SDK1: variants seen among roughly 807,000 people sequenced by gnomAD.
SDK1 encodes protein sidekick-1.
SDK1 carries 157 observed loss-of-function variants against 245.5 expected under a neutral mutation model. The ratio of observed to expected loss-of-function variants is 0.64; its 90% CI spans 0.56 to 0.73. The LOEUF is 0.73. Among genes scored for constraint, SDK1 ranks in the 30% least tolerant of loss-of-function variants. SDK1 has a pLI of 0.00. For synonymous variants in SDK1, 1,647 were observed against 1,278.5 expected (o/e 1.29, Z -6.15); for missense variants, 3,583 against 3,002.3 (o/e 1.19, Z -4.52).
chr7:4,248,834 A>G (rs957071569), intron 44 of SDK1, among the ~76,000 whole-genome samples: 1 of 152,134 alleles, frequency 6.6e-6, no homozygotes. Flanking sequence ...GCTCACACAT[A>G]CTACATGCAT....
chr7:3,683,775 C>G (rs117141027), intron 4 of SDK1, among the ~76,000 whole-genome samples: 2 of 152,158 alleles, frequency 1.3e-5, no homozygotes, highest in Non-Finnish European at 2.9e-5. Flanking sequence ...ATGCATTACA[C>G]GGCACATGTC....
intron 1 of SDK1, among the ~76,000 whole-genome samples, chr7:3,436,579 T>G (rs990157644): frequency 3.3e-5 from 5 of 152,106 alleles, no homozygotes; most frequent in African/African-American, 4.8e-5. Context: ...AATGAAAAAT[T>G]TTAAATAGAA....
intron 1 of SDK1, among the ~76,000 whole-genome samples, chr7:3,602,770 G>T (rs1040710616): frequency 1.3e-5 from 2 of 152,166 alleles, no homozygotes; most frequent in African/African-American, 4.8e-5. Flanking sequence ...GTCCTCAATG[G>T]TATTGCCTAG....
At chr7:3,337,461 CAAAA>C (rs35301702) in intron 1 of SDK1, among the ~76,000 whole-genome samples, 1 of 142,310 alleles carries the variant, frequency 7.0e-6, no homozygotes. Context: ...AGAGTGGGAC[CAAAA>C]AAAAAAAATC....
At chr7:4,076,508 A>G (rs1780687920) in intron 20 of SDK1, among the ~76,000 whole-genome samples, 1 of 152,226 alleles carries the variant, frequency 6.6e-6, no homozygotes, top group Non-Finnish European at 1.5e-5. Context: ...GTGAGCTATG[A>G]TTGCACCATT....
chr7:3,934,525 A>T (rs1268161065), intron 5 of SDK1, among the ~76,000 whole-genome samples: 3 of 152,260 alleles, frequency 2.0e-5, no homozygotes, highest in African/African-American at 7.2e-5. Flanking sequence ...TCTTGACATG[A>T]GGAAGTTGTA....
At chr7:3,515,175 A>G (rs1334268679) in intron 1 of SDK1, among the ~76,000 whole-genome samples, 1 of 152,084 alleles carries the variant, frequency 6.6e-6, no homozygotes, top group African/African-American at 2.4e-5. Flanking sequence ...GTTTTGAGCA[A>G]CCTTCTGAAG....
intron 1 of SDK1, among the ~76,000 whole-genome samples, chr7:3,434,808 G>T (rs531165472): frequency 9.9e-5 from 15 of 152,208 alleles, no homozygotes; most frequent in East Asian, 5.8e-4. Flanking sequence ...AGAATCATGG[G>T]GGGGGACAGA....
chr7:3,678,902 C>T (rs1273628019), intron 4 of SDK1, among the ~76,000 whole-genome samples: 1 of 152,072 alleles, frequency 6.6e-6, no homozygotes, highest in Admixed American at 6.5e-5. Context: ...TGACCTAAAC[C>T]TCACATTTTA....
At chr7:3,703,792 G>A (rs902788449) in intron 4 of SDK1, among the ~76,000 whole-genome samples, 6 of 152,026 alleles carry the variant, frequency 3.9e-5, no homozygotes, top group Non-Finnish European at 8.8e-5. Flanking sequence ...AATATCTGTC[G>A]TTGGCTTCCC....
chr7:3,906,264 T>C (rs1778919596), intron 5 of SDK1, among the ~76,000 whole-genome samples: 1 of 152,230 alleles, frequency 6.6e-6, no homozygotes, highest in Non-Finnish European at 1.5e-5. Flanking sequence ...ACTTTAATTA[T>C]TTTATGTTTA....
intron 5 of SDK1, among the ~76,000 whole-genome samples, chr7:3,848,310 G>C (rs774362012): frequency 6.6e-6 from 1 of 152,194 alleles, no homozygotes; most frequent in Non-Finnish European, 1.5e-5. Context: ...GTACCCAGAA[G>C]GATGTTATTT....
At chr7:3,959,942 G>C (rs1036339101) in intron 8 of SDK1, among the ~76,000 whole-genome samples, 6 of 152,126 alleles carry the variant, frequency 3.9e-5, no homozygotes, top group East Asian at 1.9e-4. Context: ...CCTTCTAGCA[G>C]AGACAGGCTT....
rs113256662 is a variant in SDK1, at chr7:3,657,573, A to G, written c.713+15468A>G. 1.4e-4 allele frequency among the ~76,000 whole-genome samples: 21 copies of G among 150,648 alleles called. 2 individuals carry two copies. Among genetic ancestry groups the G allele is most frequent in the African/African-American group, 4.7e-4 (19 of 40,624 alleles). On this transcript the variant is annotated intron_variant, in intron 4 of 44. Transcript: ENST00000404826. ...TCTCGTCACTTTCTGCCTGTGAGCA[A>G]GCCTGACTTAATGTTTAGGGGACTC...
intron 2 of SDK1, among the ~76,000 whole-genome samples, chr7:3,630,330 GTTACATGATCAT>G (rs1444712413): frequency 6.6e-6 from 1 of 152,184 alleles, no homozygotes; most frequent in Non-Finnish European, 1.5e-5. Context: ...GTATTTTCAA[GTTACATGATCAT>G]TTATGTAGAA....
intron 20 of SDK1, among the ~76,000 whole-genome samples, chr7:4,069,435 G>T (rs942449077): frequency 2.0e-5 from 3 of 152,358 alleles, no homozygotes; most frequent in African/African-American, 4.8e-5. Context: ...CCCGGCAGGG[G>T]CTCCTGCGTG....
intron 13 of SDK1, among the ~76,000 whole-genome samples, chr7:3,977,463 C>T (rs1376893455): frequency 6.6e-6 from 1 of 152,214 alleles, no homozygotes; most frequent in Non-Finnish European, 1.5e-5. Context: ...CATGGGGCAG[C>T]CAGGTTTCCC....
intron 1 of SDK1, among the ~76,000 whole-genome samples, chr7:3,579,755 T>TC (rs1028092688): frequency 6.6e-6 from 1 of 152,008 alleles, no homozygotes; most frequent in African/African-American, 2.4e-5. Flanking sequence ...GTGTTGCAAT[T>TC]CCCCAAAGAG....
intron 18 of SDK1, among the ~76,000 whole-genome samples, chr7:4,050,228 T>G (rs1473392077): frequency 6.6e-6 from 1 of 152,222 alleles, no homozygotes; most frequent in African/African-American, 2.4e-5. Context: ...AGGGTGAGTT[T>G]CCTCAGACAC....
Sources: gnomAD v4.1 joint callset for allele counts (sites outside exome capture counted in the v4.1 genomes callset) on GRCh38, gnomAD v4.1.1 for gene constraint, MANE v1.5 for transcripts, NCBI Gene and HGNC (gene_info 2026-07-23, HGNC 2026-07-21) for gene names.